Variants in NDST4 observed in about 807,000 individuals in gnomAD.
NDST4 encodes N-heparan sulfate sulfotransferase 4.
A neutral mutation model predicts 100.8 loss-of-function variants in NDST4; 63 were observed. The observed-to-expected ratio is 0.62, with a 90% CI of 0.51 to 0.77. The LOEUF (loss-of-function observed/expected upper bound fraction) is 0.77, where lower values mean the gene tolerates loss of function less well. Ranked by LOEUF, NDST4 falls within the 30% of genes least tolerant of loss-of-function variation. The pLI, the probability that NDST4 is intolerant of heterozygous loss-of-function variation, is 0.00. For synonymous variants in NDST4, 377 were observed against 361.8 expected, an observed-to-expected ratio of 1.04 and a Z score of -0.48; for missense variants, 943 against 1,018.4, an observed-to-expected ratio of 0.93 and a Z score of 1.01.
At chr4:114,924,996 GA>G (rs1305289834) in intron 6 of NDST4, among the ~76,000 whole-genome samples, 1 of 151,864 alleles carries the variant, frequency 6.6e-6, no homozygotes, top group Non-Finnish European at 1.5e-5. Flanking sequence ...AAAAGATAAA[GA>G]AAAATATAAA....
At chr4:115,079,142 G>A (rs1462077029) in intron 1 of NDST4, among the ~76,000 whole-genome samples, 1 of 152,020 alleles carries the variant, frequency 6.6e-6, no homozygotes, top group South Asian at 2.1e-4. Context: ...ACAAGGTCAT[G>A]AGATCGATAC....
intron 2 of NDST4, among the ~76,000 whole-genome samples, chr4:114,997,867 C>T (rs1727199880): frequency 6.6e-6 from 1 of 151,986 alleles, no homozygotes; most frequent in South Asian, 2.1e-4. Context: ...TTATAATAGA[C>T]AAATAATTCC....
intron 9 of NDST4, among the ~76,000 whole-genome samples, chr4:114,847,999 C>T (rs1723591570): frequency 6.6e-6 from 1 of 152,084 alleles, no homozygotes; most frequent in Admixed American, 6.5e-5. Context: ...TTTATTCAAT[C>T]ATATTAATTT....
At chr4:114,988,323 G>C (rs904224406) in intron 2 of NDST4, among the ~76,000 whole-genome samples, 9 of 124,884 alleles carry the variant, frequency 7.2e-5, no homozygotes, top group Non-Finnish European at 1.5e-4. Context: ...ACGTGGTTGA[G>C]TATTTTGTAA....
At chr4:115,002,877 A>G (rs1221042588) in intron 2 of NDST4, among the ~76,000 whole-genome samples, 2 of 152,208 alleles carry the variant, frequency 1.3e-5, no homozygotes, top group Admixed American at 6.6e-5. Context: ...GCACATATGT[A>G]CCATGGAATA....
intron 1 of NDST4, among the ~76,000 whole-genome samples, chr4:115,082,930 A>G (rs1281995170): frequency 6.6e-6 from 1 of 152,210 alleles, no homozygotes; most frequent in Non-Finnish European, 1.5e-5. Flanking sequence ...AAAATGGAGA[A>G]AAATTGTAGA....
At chr4:114,941,201 G>T (rs1315236235) in intron 4 of NDST4, among the ~76,000 whole-genome samples, 4 of 152,112 alleles carry the variant, frequency 2.6e-5, no homozygotes, top group Admixed American at 2.0e-4. Context: ...TCTAAAATGT[G>T]GAAACAGAGG....
At chr4:114,901,440 A>G (rs1347539412) in intron 6 of NDST4, among the ~76,000 whole-genome samples, 2 of 152,082 alleles carry the variant, frequency 1.3e-5, no homozygotes, top group Admixed American at 6.5e-5. Flanking sequence ...TGAAGTTAAT[A>G]TATCTACTGC....
chr4:114,955,509 T>G (rs575605625), intron 4 of NDST4, among the ~76,000 whole-genome samples: 2 of 152,226 alleles, frequency 1.3e-5, no homozygotes, highest in East Asian at 1.9e-4. Context: ...AGAGGATCAC[T>G]GTAGCTGCTT....
At chr4:114,881,344 T>A (rs1724362878) in intron 6 of NDST4, among the ~76,000 whole-genome samples, 1 of 152,098 alleles carries the variant, frequency 6.6e-6, no homozygotes, top group African/African-American at 2.4e-5. Context: ...TGTGTTTGAT[T>A]TGACGTCAGG....
intron 6 of NDST4, among the ~76,000 whole-genome samples, chr4:114,875,328 C>T (rs1724234131): frequency 6.6e-6 from 1 of 152,132 alleles, no homozygotes; most frequent in Admixed American, 6.6e-5. Flanking sequence ...TAAAAATATA[C>T]AAGCAAGCTT....
chr4:114,939,947 G>A (rs1033523316), intron 4 of NDST4, among the ~76,000 whole-genome samples: 8 of 152,028 alleles, frequency 5.3e-5, no homozygotes, highest in African/African-American at 1.4e-4. Context: ...CTTACAGACC[G>A]AGAAGCTTCT....
intron 7 of NDST4, among the ~76,000 whole-genome samples, chr4:114,859,895 G>T (rs1014916398): frequency 6.6e-6 from 1 of 152,150 alleles, no homozygotes; most frequent in African/African-American, 2.4e-5. Flanking sequence ...ATTTGCAATG[G>T]AATCTCTATC....
At chr4:115,063,773 CTT>C (rs989881491) in intron 2 of NDST4, among the ~76,000 whole-genome samples, 3 of 151,922 alleles carry the variant, frequency 2.0e-5, no homozygotes, top group Non-Finnish European at 2.9e-5. Context: ...TTTAAGGACT[CTT>C]ATAAAAGATT....
intron 10 of NDST4, among the ~76,000 whole-genome samples, chr4:114,842,328 A>C (rs1031798560): frequency 6.6e-6 from 1 of 152,010 alleles, no homozygotes. Flanking sequence ...AGACCATCAC[A>C]GTCACTTCAA....
At chr4:114,860,055 G>A (rs1723884509) in intron 7 of NDST4, among the ~76,000 whole-genome samples, 1 of 152,138 alleles carries the variant, frequency 6.6e-6, no homozygotes, top group Non-Finnish European at 1.5e-5. Flanking sequence ...GATCAGTAAT[G>A]TATAATGACA....
At chr4:114,839,281 T>C (rs1723374541) in intron 11 of NDST4, 97 bp downstream of exon 11, 8 of 1,165,492 alleles carry the variant, frequency 6.9e-6, no homozygotes, top group Non-Finnish European at 7.1e-6. Context: ...ACAATCATGA[T>C]AAGCAGAAGA....
chr4:114,882,557 G>T (rs1408085554), intron 6 of NDST4, among the ~76,000 whole-genome samples: 1 of 151,758 alleles, frequency 6.6e-6, no homozygotes, highest in Non-Finnish European at 1.5e-5. Flanking sequence ...GAGGTAAAGA[G>T]AAACTTCCCA....
chr4:115,009,045 A>T (rs1727483504), intron 2 of NDST4, among the ~76,000 whole-genome samples: 1 of 126,426 alleles, frequency 7.9e-6, no homozygotes, highest in African/African-American at 3.0e-5. Context: ...GGATACAAAG[A>T]AATGGAAGAA....
Sources: allele counts gnomAD v4.1 joint callset (sites outside exome capture counted in the v4.1 genomes callset), GRCh38; gene constraint gnomAD v4.1.1; transcripts MANE v1.5; gene names NCBI Gene and HGNC (gene_info 2026-07-23, HGNC 2026-07-21).